Variants in TPD52 observed in about 807,000 individuals in gnomAD.
The protein encoded by TPD52 is tumor protein D52, also known as prostate and colon associated protein.
TPD52 carries 17 observed loss-of-function variants against 31.3 expected under a neutral mutation model. That is an observed-to-expected ratio of 0.54 (90% CI 0.37 to 0.82). TPD52 has a LOEUF of 0.82. Among genes scored for constraint, TPD52 ranks in the 40% least tolerant of loss-of-function variants. The pLI, the probability that TPD52 is intolerant of heterozygous loss-of-function variation, is 0.00. For missense variants in TPD52, 212 were observed against 240.1 expected (o/e 0.88, Z 0.77); for synonymous variants, 83 against 89.6 (o/e 0.93, Z 0.42).
At chr8:80,124,172 GT>G (rs11321587) in intron 1 of TPD52, among the ~76,000 whole-genome samples, 92,076 of 146,304 alleles carry the variant, frequency 0.63, 29,569 homozygotes, top group African/African-American at 0.8. Context: ...CTCTCTTTTT[GT>G]TTTTTTTTTT....
chr8:80,042,088 CAA>C (rs397970030), intron 7 of TPD52: 1,355 of 618,072 alleles, frequency 2.2e-3, no homozygotes, highest in Non-Finnish European at 2.5e-3. Flanking sequence ...GACTCCATCT[CAA>C]AAAAAAAAAA....
At position 80,036,729 on chromosome 8, in the gene TPD52, A is replaced by T. The variant is rs938821930; in HGVS notation, c.*1387T>A. The T allele has an allele frequency of 3.9e-5, 6 of 152,650 alleles. No homozygotes were observed. Among genetic ancestry groups the T allele is most frequent in the African/African-American group, 1.4e-4 (6 of 41,472 alleles). 9.5% of individuals were successfully genotyped at this position (152,650 alleles called of 1,614,324 possible). ...ACAATCAACACCTGTGGCTTTTAAA[A>T]TTTGGTTTTCATAAGATAATTTATA... On this transcript the variant is annotated 3_prime_UTR_variant, in exon 8 of 8. Transcript: ENST00000518937.
intron 1 of TPD52, chr8:80,080,413 G>A (rs1815132937): frequency 1.9e-6 from 3 of 1,614,150 alleles, no homozygotes; most frequent in Non-Finnish European, 2.5e-6. Context: ...ATCAAACGGG[G>A]ACTGGTAGTC....
intron 2 of TPD52, among the ~76,000 whole-genome samples, chr8:80,056,610 C>A (rs765538083): frequency 1.8e-4 from 28 of 152,064 alleles, no homozygotes; most frequent in Admixed American, 8.5e-4. Flanking sequence ...ATGCTTAACA[C>A]CATTCATTAG....
rs1809916331 is a variant in TPD52 at position 80,036,448 on chromosome 8, A to G, written c.*1668T>C. 6.6e-6 allele frequency: 1 copy of G among 152,578 alleles called. No homozygotes were observed. Among genetic ancestry groups the G allele is most frequent in the Admixed American group, 6.5e-5 (1 of 15,272 alleles). The allele number at this position is 152,578 out of a possible 1,614,324, so 9.5% of individuals were successfully genotyped here. On this transcript the variant is annotated 3_prime_UTR_variant, in exon 8 of 8. Transcript: ENST00000518937. ...CTGTGCCTTAAAGCCCTTATTTAGA[A>G]TATGTTAATATGATACCATTAAGCA...
At chr8:80,054,574 C>T (rs891912614) in intron 2 of TPD52, among the ~76,000 whole-genome samples, 2 of 152,022 alleles carry the variant, frequency 1.3e-5, no homozygotes, top group Admixed American at 6.5e-5. Context: ...ATTTTCAGCC[C>T]CAACCTGCAC....
intron 1 of TPD52, chr8:80,067,474 T>C (rs1813286555): frequency 6.6e-6 from 1 of 152,212 alleles, no homozygotes. Flanking sequence ...ACAGCCACCA[T>C]GACAGAGTGC....
At position 80,064,612 on chromosome 8, in the gene TPD52, C is replaced by T; in HGVS notation, c.20-19G>A. On this transcript the variant is annotated intron_variant, in intron 1 of 7. Transcript: ENST00000518937. ...AGCAGACCTGGTTGGGGATTTAAAC[C>T]ATTTTTTAAAGTGCAAAATCTAAGT... 1 of 1,600,464 alleles carries T rather than the reference C, an allele frequency of 6.2e-7. No individual in the cohort carries two copies. The highest frequency in any genetic ancestry group is 1.1e-5 in the South Asian group (1 of 90,760).
At chr8:80,149,895 A>G (rs1010461037) in intron 1 of TPD52, among the ~76,000 whole-genome samples, 12 of 152,226 alleles carry the variant, frequency 7.9e-5, no homozygotes, top group African/African-American at 2.9e-4. Flanking sequence ...AGAAAAACCC[A>G]TTTTCTAGGA....
intron 1 of TPD52, among the ~76,000 whole-genome samples, chr8:80,117,034 C>T (rs530970413): frequency 2.8e-4 from 43 of 152,100 alleles, no homozygotes; most frequent in African/African-American, 9.2e-4. Context: ...TATGGAAAAC[C>T]GCAGCTAACA....
At chr8:80,047,670 G>A (rs1015956363) in intron 5 of TPD52, among the ~76,000 whole-genome samples, 1 of 152,184 alleles carries the variant, frequency 6.6e-6, no homozygotes, top group African/African-American at 2.4e-5. Context: ...GTTCATTAAA[G>A]TGTTTCAAAT....
chr8:80,140,252 C>G (rs1809736695), intron 1 of TPD52, among the ~76,000 whole-genome samples: 1 of 152,156 alleles, frequency 6.6e-6, no homozygotes. Context: ...CTACCTGTGC[C>G]TTTCCCAAAT....
chr8:80,064,647 A>G, intron 1 of TPD52, 54 bp from the exon 2 acceptor site: 3 of 1,311,490 alleles, frequency 2.3e-6, no homozygotes, highest in African/African-American at 1.4e-5. Flanking sequence ...TAAAATCCCT[A>G]TTTAAGCTCC....
intron 1 of TPD52, among the ~76,000 whole-genome samples, chr8:80,137,386 C>A (rs1809509225): frequency 6.7e-6 from 1 of 149,306 alleles, no homozygotes; most frequent in African/African-American, 2.5e-5. Flanking sequence ...ATCAATAAAG[C>A]TTTTTTCTTA....
At chr8:80,063,114 C>T (rs1339583248) in intron 2 of TPD52, among the ~76,000 whole-genome samples, 1 of 152,218 alleles carries the variant, frequency 6.6e-6, no homozygotes, top group African/African-American at 2.4e-5. Context: ...TCCTAACTCA[C>T]TACCCACCAT....
intron 1 of TPD52, among the ~76,000 whole-genome samples, chr8:80,159,199 G>A (rs1275092487): frequency 6.6e-6 from 1 of 152,248 alleles, no homozygotes; most frequent in Admixed American, 6.5e-5. Flanking sequence ...ATGCATATGT[G>A]AGATATCAGC....
intron 1 of TPD52, among the ~76,000 whole-genome samples, chr8:80,068,980 C>T (rs967677440): frequency 6.6e-6 from 1 of 152,136 alleles, no homozygotes; most frequent in African/African-American, 2.4e-5. Context: ...GCACCACAGA[C>T]ATTTTATGTG....
Position 80,035,646 on chromosome 8 carries a change from T to C in TPD52, c.*2470A>G, listed in dbSNP as rs191858261. 2.5e-4 allele frequency: 38 copies of C among 152,370 alleles called. No homozygotes were observed. The highest frequency in any genetic ancestry group is 7.9e-4 in the African/African-American group (33 of 41,592). The allele number at this position is 152,370 out of a possible 1,614,324, so 9.4% of individuals were successfully genotyped here. A position where few individuals can be genotyped will look rare whatever the true frequency, so the allele number is the denominator to read the frequency against. ...AAGTTGCTAAGGTGATAATCCAGTT[T>C]TGAGCTCTACTCTCTTCCACTGACT... On this transcript the variant is annotated 3_prime_UTR_variant, in exon 8 of 8. Transcript: ENST00000518937.
chr8:80,115,902 AT>A (rs1161398422), intron 1 of TPD52, among the ~76,000 whole-genome samples: 1 of 152,258 alleles, frequency 6.6e-6, no homozygotes, highest in African/African-American at 2.4e-5. Flanking sequence ...AGGAAAAAAT[AT>A]TTGGAAGACA....
Sources: gnomAD v4.1 joint callset for allele counts (sites outside exome capture counted in the v4.1 genomes callset) on GRCh38, gnomAD v4.1.1 for gene constraint, MANE v1.5 for transcripts, NCBI Gene and HGNC (gene_info 2026-07-23, HGNC 2026-07-21) for gene names.